The following CDCA7 variants were observed in gnomAD, a reference collection of about 807,000 sequenced individuals.
CDCA7 encodes cell division cycle-associated protein 7.
CDCA7 carries 28 observed loss-of-function variants against 54.0 expected under a neutral mutation model. The ratio of observed to expected loss-of-function variants is 0.52; its 90% CI spans 0.38 to 0.71. The LOEUF is 0.71. Among genes scored for constraint, CDCA7 ranks in the 30% least tolerant of loss-of-function variants. The pLI is 0.00. For missense variants in CDCA7, 484 were observed against 586.0 expected (o/e 0.83, Z 1.80); for synonymous variants, 180 against 208.2 (o/e 0.86, Z 1.16).
chr2:173,359,085 A>G (rs747719943), intron 2 of CDCA7, among the ~76,000 whole-genome samples, 170 bp from the exon 3 acceptor site: 2 of 152,246 alleles, frequency 1.3e-5, no homozygotes, highest in African/African-American at 4.8e-5. Context: ...ATGATTTGCC[A>G]TAACAACTCA....
chr2:173,358,572 A>C, intron 1 of CDCA7, 140 bp from the exon 2 acceptor site: 1 of 912,998 alleles, frequency 1.1e-6, no homozygotes, highest in African/African-American at 1.7e-5. Flanking sequence ...GCAGTTAACA[A>C]ACTTCCTTTT....
At chr2:173,363,601 T>G in intron 4 of CDCA7, 139 bp downstream of exon 4, 1 of 946,628 alleles carries the variant, frequency 1.1e-6, no homozygotes. Flanking sequence ...AAGTCTTCAA[T>G]GTGTGCCTCA....
rs1465343673 is a variant in CDCA7 at position 173,366,869 on chromosome 2, CAAAT to C, written c.1186-280_1186-277del. 3.3e-5 allele frequency among the ~76,000 whole-genome samples: 5 copies of C among 152,088 alleles called. No individual in the cohort carries two copies. Among genetic ancestry groups the C allele is most frequent in the Admixed American group, 2.6e-4 (4 of 15,260 alleles). ...CCCAGGGTGCTCTTAATTCAGAACACAAATGAATTCAGAGGGATGGTGCTGCATA... is the reference window on the plus strand; with the variant it reads ...CCCAGGGTGCTCTTAATTCAGAACACGAATTCAGAGGGATGGTGCTGCATA... On this transcript the variant is annotated intron_variant, in intron 8 of 9. Transcript: ENST00000306721. This position sits in a 1 kb window ranked among gnomAD's most constrained non-coding sequence, Gnocchi z 4.5.
At position 173,367,138 on chromosome 2, in the gene CDCA7, ATCC is replaced by A. The variant is rs1686739498; in HGVS notation, c.1186-7_1186-5del. 6 of 1,569,550 alleles carry A rather than the reference ATCC, an allele frequency of 3.8e-6. No homozygotes were observed. Among genetic ancestry groups the A allele is most frequent in the South Asian group, 1.2e-5 (1 of 82,470 alleles). On this transcript the variant is annotated splice_polypyrimidine_tract_variant and intron_variant, in intron 8 of 9. Transcript: ENST00000306721. ...TTTAACTTAATTGTGCCGTTTGACA[ATCC>A]TCCTTCAGAACTGGCATTGCCCGCC...
At chr2:173,365,262 A>T (rs541820118) in intron 6 of CDCA7, among the ~76,000 whole-genome samples, 190 bp from the exon 7 acceptor site, 1 of 152,324 alleles carries the variant, frequency 6.6e-6, no homozygotes, top group African/African-American at 2.4e-5. Context: ...TTCCCCTACC[A>T]TAAGCTCTAG....
Position 173,367,928 on chromosome 2 carries a change from A to T in CDCA7, c.*264A>T. On this transcript the variant is annotated 3_prime_UTR_variant, in exon 10 of 10. Coordinates refer to ENST00000306721, the MANE Select transcript of CDCA7 (RefSeq NM_031942.5). ...CCTCTATTTCCAATGCTCCTCTCCA[A>T]CCGCTTAGTTTCTGAATTTCTTTTA... is the stretch of plus-strand genomic sequence containing the variant. 1 of 507,186 alleles carries T rather than the reference A, an allele frequency of 2.0e-6. No individual in the cohort carries two copies. The allele number at this position is 507,186 out of a possible 1,614,324, so 31.4% of individuals were successfully genotyped here.
chr2:173,365,697 C>A, intron 7 of CDCA7, 105 bp downstream of exon 7: 2 of 1,277,468 alleles, frequency 1.6e-6, no homozygotes, highest in Non-Finnish European at 2.1e-6. Context: ...CATGTGAAAT[C>A]TGTACCTATA....
At chr2:173,355,581 C>T (rs1368026881) in intron 1 of CDCA7, among the ~76,000 whole-genome samples, 1 of 152,178 alleles carries the variant, frequency 6.6e-6, no homozygotes, top group Non-Finnish European at 1.5e-5. Flanking sequence ...TAGTCCCGGG[C>T]GGTGGTTAAG....
intron 1 of CDCA7, among the ~76,000 whole-genome samples, chr2:173,357,225 T>C (rs1399474246): frequency 6.6e-6 from 1 of 152,206 alleles, no homozygotes; most frequent in African/African-American, 2.4e-5. Flanking sequence ...TAGATGCCAA[T>C]TACATTTTCT....
rs1347008818 is a variant in CDCA7 at position 173,363,400 on chromosome 2, G to A, written c.559G>A (p.Asp187Asn). 6.2e-7 allele frequency: 1 copy of A among 1,614,172 alleles called. No homozygotes were observed. Among genetic ancestry groups the A allele is most frequent in the South Asian group, 1.1e-5 (1 of 91,078 alleles). Residue 187 changes from aspartate to asparagine, a missense_variant, in exon 4 of 10, where the codon GAT (aspartate) becomes AAT (asparagine). Coordinates refer to ENST00000306721, the MANE Select transcript of CDCA7 (RefSeq NM_031942.5). ...SVTDSNSDSE[D>N]ESGMNFLEKR... ...GACTGATTCCAACTCCGATTCAGAA[G>A]ATGAAAGTGGAATGAATTTTTTGGA...
Position 173,358,541 on chromosome 2 carries a change from A to AG in CDCA7, c.22-170dup, listed in dbSNP as rs751670070. 3.1e-5 allele frequency: 20 copies of AG among 636,516 alleles called. No homozygotes were observed. The East Asian group carries it at 3.2e-4, about 10-fold the overall frequency. The allele number at this position is 636,516 out of a possible 1,614,324, so 39.4% of individuals were successfully genotyped here. ...CGAGATCCTGCTTCTTACAAAAAAA[A>AG]GAAAGAAAAAATTTTTTGTAGCAGT... On this transcript the variant is annotated intron_variant, in intron 1 of 9. Transcript: ENST00000306721.
chr2:173,363,661 G>T (rs1338413658), intron 4 of CDCA7, among the ~76,000 whole-genome samples, 157 bp from the exon 5 acceptor site: 2 of 152,144 alleles, frequency 1.3e-5, no homozygotes, highest in Non-Finnish European at 2.9e-5. Flanking sequence ...TTAAAGGCCT[G>T]GTTAAGTGTA....
intron 3 of CDCA7, among the ~76,000 whole-genome samples, chr2:173,360,124 G>A (rs1050779409): frequency 1.3e-5 from 2 of 152,212 alleles, no homozygotes; most frequent in African/African-American, 4.8e-5. Context: ...AGGAAGCAGT[G>A]CATTCACTGA....
rs370036577 is a variant in CDCA7 at position 173,359,440 on chromosome 2, T to C, written c.333T>C (p.Ser111=). Residue 111 remains serine (S), a synonymous_variant, in exon 3 of 10, where the codon TCT becomes TCC. Transcript: ENST00000306721. Reference sequence around the variant, plus strand: ...TGGCCGGTATTTTTCATGCCGACTCTGACGATGAATCATTTTGCGGTTTCT... The same window carrying C: ...TGGCCGGTATTTTTCATGCCGACTCCGACGATGAATCATTTTGCGGTTTCT... The part of the protein sequence containing the change: ...NELAGIFHAD[S]DDESFCGFSE... The C allele has an allele frequency of 1.2e-6, 2 of 1,614,098 alleles. No homozygotes were observed. Among genetic ancestry groups the C allele is most frequent in the East Asian group, 2.2e-5 (1 of 44,896 alleles).
rs55697442 is a variant in CDCA7 at position 173,363,769 on chromosome 2, G to A, written c.622-49G>A. ...TTCCAGAAGTTAGTTGCTCATTTTC[G>A]ACAGTTATTCTAAGCCAATGATATC... is the stretch of plus-strand genomic sequence containing the variant. On this transcript the variant is annotated intron_variant, in intron 4 of 9. Transcript: ENST00000306721. The A allele has an allele frequency of 1.3e-5, 20 of 1,566,076 alleles. No individual in the cohort carries two copies. The East Asian group carries it at 1.6e-4, about 12-fold the overall frequency.
Position 173,367,614 on chromosome 2 carries a change from T to C in CDCA7, c.1323-20T>C. 2 of 1,613,902 alleles carry C rather than the reference T, an allele frequency of 1.2e-6. No individual in the cohort carries two copies. The highest frequency in any genetic ancestry group is 8.5e-7 in the Non-Finnish European group (1 of 1,179,862). The stretch of plus-strand genomic sequence containing the variant: ...TGGTTGAAAACTATGTCCTGACACA[T>C]TTCCTTTTGTTTTTCACAGCCTGAA... On this transcript the variant is annotated intron_variant, in intron 9 of 9. Transcript: ENST00000306721.
intron 1 of CDCA7, 138 bp from the exon 2 acceptor site, chr2:173,358,574 C>A: frequency 1.1e-6 from 1 of 920,702 alleles, no homozygotes; most frequent in South Asian, 2.9e-5. Flanking sequence ...AGTTAACAAA[C>A]TTCCTTTTCT....
At chr2:173,363,788 T>C in intron 4 of CDCA7, 30 bp from the exon 5 acceptor site, 1 of 1,602,082 alleles carries the variant, frequency 6.2e-7, no homozygotes, top group Non-Finnish European at 8.6e-7. Context: ...TCTAAGCCAA[T>C]GATATCAGTT....
chr2:173,366,602 G>A lies in CDCA7; in HGVS notation c.1185+170G>A, dbSNP rs759338995. Among the ~76,000 whole-genome samples the A allele has an allele frequency of 6.6e-6, 1 of 152,010 alleles. No individual in the cohort carries two copies. The highest frequency in any genetic ancestry group is 2.4e-5 in the African/African-American group (1 of 41,366). ...TCGCCAGGCTGCAGTGCAGTGGCGCGATCTCAGCTCACTGCAACCTCCTCC... is the reference window on the plus strand; with the variant it reads ...TCGCCAGGCTGCAGTGCAGTGGCGCAATCTCAGCTCACTGCAACCTCCTCC... On this transcript the variant is annotated intron_variant, in intron 8 of 9. Transcript: ENST00000306721. This position sits in a 1 kb window ranked among gnomAD's most constrained non-coding sequence, Gnocchi z 4.5.
Sources: allele counts gnomAD v4.1 joint callset (sites outside exome capture counted in the v4.1 genomes callset), GRCh38; gene constraint gnomAD v4.1.1; non-coding constraint Gnocchi (gnomAD v3.1); transcripts MANE v1.5; gene names NCBI Gene and HGNC (gene_info 2026-07-23, HGNC 2026-07-21).